LRRC28: variants seen among roughly 807,000 people sequenced by gnomAD.
The protein encoded by LRRC28 is leucine-rich repeat-containing protein 28.
In LRRC28, 39 loss-of-function variants were observed where a neutral mutation model predicts 45.7. The ratio of observed to expected loss-of-function variants is 0.85; its 90% CI spans 0.66 to 1.12. The LOEUF (loss-of-function observed/expected upper bound fraction) is 1.12. Among genes scored for constraint, LRRC28 ranks in the 50% most tolerant of loss-of-function variants. The pLI is 0.00. For synonymous variants in LRRC28, 206 were observed against 178.8 expected, an observed-to-expected ratio of 1.15 and a Z score of -1.22; for missense variants, 435 against 438.5, an observed-to-expected ratio of 0.99 and a Z score of 0.07.
intron 7 of LRRC28, among the ~76,000 whole-genome samples, chr15:99,357,868 T>C (rs1257834874): frequency 1.3e-5 from 2 of 152,068 alleles, no homozygotes; most frequent in African/African-American, 2.4e-5. Context: ...AATTTTTATA[T>C]TAAATGATGA....
chr15:99,336,579 C>A (rs1450083861), intron 6 of LRRC28, among the ~76,000 whole-genome samples: 1 of 152,202 alleles, frequency 6.6e-6, no homozygotes, highest in East Asian at 1.9e-4. Context: ...TTCAATCTCT[C>A]TCTCTATTCA....
chr15:99,290,624 C>A (rs1371049676), intron 5 of LRRC28, among the ~76,000 whole-genome samples: 1 of 151,912 alleles, frequency 6.6e-6, no homozygotes, highest in Non-Finnish European at 1.5e-5. Context: ...TATTTATGAA[C>A]TTTTTTTTAC....
chr15:99,319,056 T>C lies in LRRC28; in HGVS notation c.386-14867T>C, dbSNP rs1338037021. Among the ~76,000 whole-genome samples, 7 of 152,162 alleles carry C rather than the reference T, an allele frequency of 4.6e-5. No individual in the cohort carries two copies. In the East Asian group the frequency reaches 1.3e-3, roughly 29 times the overall value. On this transcript the variant is annotated intron_variant, in intron 5 of 9. Transcript: ENST00000301981. ...AGCAGTCATCATTATTATATCATTC[T>C]TTCCAGCAAGTAAAATAGAGATTAC... is the stretch of plus-strand genomic sequence containing the variant.
intron 8 of LRRC28, 25 bp downstream of exon 8, chr15:99,361,536 AT>A: frequency 6.4e-7 from 1 of 1,550,856 alleles, no homozygotes; most frequent in Non-Finnish European, 8.7e-7. Context: ...TGGTTTTCTT[AT>A]TTTTCTCTCT....
intron 3 of LRRC28, among the ~76,000 whole-genome samples, chr15:99,280,349 A>G (rs7169355): frequency 0.095 from 14,425 of 151,798 alleles, 972 homozygotes; most frequent in East Asian, 0.32. Context: ...TTTTGATGGC[A>G]AGTCTAAAAA....
intron 5 of LRRC28, among the ~76,000 whole-genome samples, chr15:99,319,463 C>G (rs1001357917): frequency 6.6e-6 from 1 of 152,104 alleles, no homozygotes; most frequent in Non-Finnish European, 1.5e-5. Flanking sequence ...GACAATATAT[C>G]TGAAAAAGAT....
intron 4 of LRRC28, 127 bp from the exon 5 acceptor site, chr15:99,287,687 A>T: frequency 1.0e-6 from 1 of 973,822 alleles, no homozygotes; most frequent in Non-Finnish European, 1.5e-6. Flanking sequence ...CTGTGTTTTT[A>T]CTATTTTGTG....
intron 5 of LRRC28, among the ~76,000 whole-genome samples, chr15:99,294,152 G>A (rs1004203813): frequency 6.6e-6 from 1 of 152,056 alleles, no homozygotes; most frequent in African/African-American, 2.4e-5. Flanking sequence ...TGTATATGAT[G>A]TGTCTTGATA....
intron 5 of LRRC28, among the ~76,000 whole-genome samples, chr15:99,288,890 G>A (rs1197103084): frequency 2.6e-5 from 4 of 151,792 alleles, no homozygotes; most frequent in East Asian, 3.9e-4. Flanking sequence ...ATGTTGGCTA[G>A]GCTAGTCTCA....
intron 2 of LRRC28, among the ~76,000 whole-genome samples, chr15:99,273,233 TTTTTG>T (rs1567613827): frequency 6.6e-6 from 1 of 151,860 alleles, no homozygotes; most frequent in Non-Finnish European, 1.5e-5. Flanking sequence ...GGTGTGTTTT[TTTTTG>T]TTTGTTTTTG....
At chr15:99,315,703 C>T (rs904782127) in intron 5 of LRRC28, among the ~76,000 whole-genome samples, 8 of 152,102 alleles carry the variant, frequency 5.3e-5, no homozygotes, top group African/African-American at 1.9e-4. Context: ...TTGACTGCTA[C>T]TCTGTGGCCC....
intron 3 of LRRC28, chr15:99,285,557 T>G (rs578030210): frequency 5.3e-6 from 5 of 946,086 alleles, no homozygotes; most frequent in Middle Eastern, 3.0e-4. Flanking sequence ...TCGGGCTCTT[T>G]AGGAGACTGA....
chr15:99,288,091 G>C (rs948833345), intron 5 of LRRC28, 140 bp downstream of exon 5: 12 of 801,730 alleles, frequency 1.5e-5, no homozygotes, highest in Non-Finnish European at 2.1e-5. Flanking sequence ...ACTAAAGAAT[G>C]GGTGAAATAT....
intron 2 of LRRC28, among the ~76,000 whole-genome samples, chr15:99,272,605 C>T (rs557334903): frequency 1.3e-5 from 2 of 152,288 alleles, no homozygotes; most frequent in South Asian, 4.1e-4. Flanking sequence ...GGTAAAGCAT[C>T]ATTGATTCAG....
chr15:99,275,210 C>G (rs2081586035), intron 2 of LRRC28, among the ~76,000 whole-genome samples: 1 of 152,242 alleles, frequency 6.6e-6, no homozygotes, highest in Non-Finnish European at 1.5e-5. Flanking sequence ...TACCCAGTAC[C>G]TCCAGCAGAG....
intron 2 of LRRC28, among the ~76,000 whole-genome samples, chr15:99,267,889 AT>A (rs1011700837): frequency 3.3e-5 from 5 of 152,234 alleles, no homozygotes; most frequent in Non-Finnish European, 7.4e-5. Flanking sequence ...AATGACTTTC[AT>A]TTTTCAGGAA....
Position 99,302,088 on chromosome 15 carries a change from G to A in LRRC28, c.385+14137G>A, listed in dbSNP as rs189811199. Among the ~76,000 whole-genome samples the A allele has an allele frequency of 8.6e-3, 1,296 of 150,750 alleles. 6 individuals are homozygous for A. Among genetic ancestry groups the A allele is most frequent in the Non-Finnish European group, 0.012 (791 of 67,832 alleles). ...GTTGCCCAGGCTGGAGTGCAGAGGC[G>A]CGATCTCAGCTCACTGCAAGCTCCA... On this transcript the variant is annotated intron_variant, in intron 5 of 9. Coordinates refer to ENST00000301981, the MANE Select transcript of LRRC28 (RefSeq NM_144598.5).
At chr15:99,365,908 G>A (rs1472799132) in intron 9 of LRRC28, among the ~76,000 whole-genome samples, 1 of 152,192 alleles carries the variant, frequency 6.6e-6, no homozygotes, top group Non-Finnish European at 1.5e-5. Flanking sequence ...TTTTGATCCT[G>A]TAGGCATAGC....
intron 2 of LRRC28, among the ~76,000 whole-genome samples, chr15:99,267,404 G>A (rs768262753): frequency 2.6e-5 from 4 of 152,124 alleles, no homozygotes; most frequent in Non-Finnish European, 4.4e-5. Flanking sequence ...AACCGGGAGC[G>A]GGAATTAAGT....
Sources: allele counts gnomAD v4.1 joint callset (sites outside exome capture counted in the v4.1 genomes callset), GRCh38; gene constraint gnomAD v4.1.1; transcripts MANE v1.5; gene names NCBI Gene and HGNC (gene_info 2026-07-23, HGNC 2026-07-21).